The following NFKBIZ variants were observed in gnomAD, a reference collection of about 807,000 sequenced individuals.
NFKBIZ encodes NFKB inhibitor zeta, also known as NF-kappa-B inhibitor zeta.
NFKBIZ carries 19 observed loss-of-function variants against 76.8 expected under a neutral mutation model. The ratio of observed to expected loss-of-function variants is 0.25; its 90% CI spans 0.17 to 0.36. NFKBIZ has a LOEUF of 0.36. Ranked by LOEUF, NFKBIZ falls within the 10% of genes least tolerant of loss-of-function variation. The probability of loss-of-function intolerance (pLI) is 1.00; values close to 1 mark genes in which losing one functional copy is unlikely to be tolerated. For synonymous variants in NFKBIZ, 368 were observed against 354.8 expected (o/e 1.04, Z -0.42); for missense variants, 829 against 910.9 (o/e 0.91, Z 1.16).
Position 101,853,346 on chromosome 3 carries a change from G to T in NFKBIZ, c.820G>T (p.Val274Phe). 1 of 1,614,120 alleles carries T rather than the reference G, an allele frequency of 6.2e-7. No homozygotes were observed. The highest frequency in any genetic ancestry group is 8.5e-7 in the Non-Finnish European group (1 of 1,180,020). The change falls in exon 5 of 12, where the codon GTC (valine) becomes TTC (phenylalanine). Residue 274 changes from valine (V) to phenylalanine (F), a missense_variant. Physicochemically the swap from Val to Phe is conservative, Grantham distance 50. Coordinates refer to ENST00000326172, the MANE Select transcript of NFKBIZ (RefSeq NM_031419.4). Reference protein sequence around the residue: ...SPPQKCQPFQVRGSQQMIDQA... With the variant: ...SPPQKCQPFQFRGSQQMIDQA... ...ACCTCAGAAATGCCAACCATTCCAA[G>T]TCAGGGGCTCCCAACAAATGATAGA...
At chr3:101,852,008 C>T (rs1332906446) in intron 1 of NFKBIZ, 77 bp from the exon 2 acceptor site, 4 of 1,540,210 alleles carry the variant, frequency 2.6e-6, no homozygotes, top group South Asian at 1.2e-5. Flanking sequence ...TAGGCAACAG[C>T]TATACTTTTG....
Position 101,859,544 on chromosome 3 carries a change from T to C in NFKBIZ, c.*173T>C, listed in dbSNP as rs185900926. 7.5e-5 allele frequency: 32 copies of C among 428,710 alleles called. No individual in the cohort carries two copies. Among genetic ancestry groups the C allele is most frequent in the African/African-American group, 5.3e-4 (27 of 50,696 alleles). 26.6% of individuals were successfully genotyped at this position (428,710 alleles called of 1,614,324 possible). ...ATATTAAAAGAAAAGAAGAAAAATA[T>C]CTAATTTCTCTTGGCAGATTTGCAT... On this transcript the variant is annotated 3_prime_UTR_variant, in exon 12 of 12. Transcript: ENST00000326172.
chr3:101,846,636 A>G (rs752152030), upstream of NFKBIZ, among the ~76,000 whole-genome samples: 1 of 152,228 alleles, frequency 6.6e-6, no homozygotes, highest in Non-Finnish European at 1.5e-5. Flanking sequence ...TTAATTTTGT[A>G]AAAAATTACT....
chr3:101,859,184 G>A (rs1175837760), intron 11 of NFKBIZ, 134 bp from the exon 12 acceptor site: 4 of 584,938 alleles, frequency 6.8e-6, no homozygotes, highest in Non-Finnish European at 1.3e-5. Context: ...GAAATATTGT[G>A]TGTATTTCTT....
intron 1 of NFKBIZ, 90 bp downstream of exon 1, chr3:101,850,007 C>A (rs898439217): frequency 3.3e-6 from 4 of 1,212,172 alleles, no homozygotes; most frequent in Admixed American, 4.2e-5. Flanking sequence ...GTGGCCCCTG[C>A]GCCCTCCTTA....
intron 2 of NFKBIZ, among the ~76,000 whole-genome samples, chr3:101,837,191 C>T (rs571076193): frequency 2.0e-5 from 3 of 152,278 alleles, no homozygotes; most frequent in South Asian, 4.1e-4. Context: ...CACTCTCTTT[C>T]CTTTTTCTAA....
intron 1 of NFKBIZ, among the ~76,000 whole-genome samples, chr3:101,851,349 C>CT (rs1236418613): frequency 6.6e-6 from 1 of 152,192 alleles, no homozygotes; most frequent in Non-Finnish European, 1.5e-5. Context: ...AGCATATTTC[C>CT]TTTTTACTTA....
In NFKBIZ at chr3:101,853,600, G is replaced by C. The variant is rs1244646629; in HGVS notation, c.1074G>C (p.Gln358His). The C allele has an allele frequency of 6.2e-7, 1 of 1,614,228 alleles. No individual in the cohort carries two copies. Among genetic ancestry groups the C allele is most frequent in the East Asian group, 2.2e-5 (1 of 44,888 alleles). Residue 358 changes from glutamine (Q) to histidine (H), a missense_variant, in exon 5 of 12, where the codon CAG becomes CAC. By Grantham distance (24) the Gln-to-His change is conservative (BLOSUM62 0). Around this residue, in one of 4 missense-constraint regions of NFKBIZ, gnomAD observed 371 missense variants for 332.3 expected, o/e 1.12. Transcript: ENST00000326172. ...CTGAGAATATTGCTAATCCCATGCA[G>C]ACTTCCTCCAGTGTTCAGCAGCAAA... ...RESENIANPM[Q>H]TSSSVQQQND... is the part of the protein sequence containing the mutation.
intron 11 of NFKBIZ, among the ~76,000 whole-genome samples, chr3:101,859,039 G>A (rs747877381): frequency 1.3e-5 from 2 of 152,192 alleles, no homozygotes; most frequent in African/African-American, 2.4e-5. Context: ...TAGGTGTTAA[G>A]TTTATGGAGA....
rs1190963550 is a variant in NFKBIZ, at chr3:101,860,309, A to G, written c.*938A>G. ...TCCTCCTACCTGAGCCTTCTGAGTA[A>G]CTGGAACTACAGGTGTGCACTCCTC... On this transcript the variant is annotated 3_prime_UTR_variant, in exon 12 of 12. Transcript: ENST00000326172. The G allele has an allele frequency of 1.3e-5, 2 of 151,798 alleles. No individual in the cohort carries two copies. Among genetic ancestry groups the G allele is most frequent in the African/African-American group, 4.8e-5 (2 of 41,260 alleles). 9.4% of individuals were successfully genotyped at this position (151,798 alleles called of 1,614,324 possible).
At position 101,859,756 on chromosome 3, in the gene NFKBIZ, AAG is replaced by A. The variant is rs1434785059; in HGVS notation, c.*386_*387del. The A allele has an allele frequency of 5.8e-6, 1 of 172,476 alleles. No individual in the cohort carries two copies. Among genetic ancestry groups the A allele is most frequent in the Non-Finnish European group, 1.3e-5 (1 of 78,702 alleles). The allele number at this position is 172,476 out of a possible 1,614,324, so 10.7% of individuals were successfully genotyped here. A position where few individuals can be genotyped will look rare whatever the true frequency, so the allele number is the denominator to read the frequency against. On this transcript the variant is annotated 3_prime_UTR_variant, in exon 12 of 12. Coordinates refer to ENST00000326172, the MANE Select transcript of NFKBIZ (RefSeq NM_031419.4). Reference sequence around the variant, plus strand: ...TGTTTCTTTAAGAAAAAGCATGTGAAAGGAAAAAGGTAAATACAGCATTGAGG... The same window carrying A: ...TGTTTCTTTAAGAAAAAGCATGTGAAGAAAAAGGTAAATACAGCATTGAGG...
chr3:101,830,086 A>C (rs374654887), intron 2 of NFKBIZ, among the ~76,000 whole-genome samples: 10 of 152,138 alleles, frequency 6.6e-5, no homozygotes, highest in East Asian at 3.8e-4. Flanking sequence ...AGGCTCCTTA[A>C]AACTAGCATA....
Position 101,853,117 on chromosome 3 carries a change from G to C in NFKBIZ, c.591G>C (p.Gly197=). 1 of 1,613,966 alleles carries C rather than the reference G, an allele frequency of 6.2e-7. No homozygotes were observed. Among genetic ancestry groups the C allele is most frequent in the South Asian group, 1.1e-5 (1 of 91,084 alleles). Residue 197 remains glycine, a synonymous_variant, in exon 5 of 12, where the codon GGG becomes GGC. Transcript: ENST00000326172. ...CACCACCTCAAACACCAACGCCCGG[G>C]GAGAGCATGGAAGATGTTCATCTCA... ...FLTPPQTPTP[G]ESMEDVHLNE...
At chr3:101,845,952 CAGTT>C (rs1222104506), upstream of NFKBIZ, among the ~76,000 whole-genome samples, 1 of 152,146 alleles carries the variant, frequency 6.6e-6, no homozygotes, top group Admixed American at 6.5e-5. Context: ...GCTTCAGAGT[CAGTT>C]AGATGAAGAT....
At chr3:101,838,146 A>C (rs1942746273) in intron 2 of NFKBIZ, among the ~76,000 whole-genome samples, 1 of 152,184 alleles carries the variant, frequency 6.6e-6, no homozygotes, top group African/African-American at 2.4e-5. Context: ...AGCCATATGC[A>C]CACAAATAAG....
intron 11 of NFKBIZ, chr3:101,857,888 C>G (rs1943073703): frequency 1.2e-6 from 1 of 861,348 alleles, no homozygotes; most frequent in Non-Finnish European, 1.4e-6. Flanking sequence ...AGTAAGAGAT[C>G]AGTGAACATC....
At position 101,853,632 on chromosome 3, in the gene NFKBIZ, C is replaced by T. The variant is rs1193742681; in HGVS notation, c.1106C>T (p.Ala369Val). ...TCCAGTGTTCAGCAGCAAAATGATG[C>T]TCACTTGCACAGCTTCAGCATGATG... ...TSSSVQQQND[A>V]HLHSFSMMPS... The change falls in exon 5 of 12, where the codon GCT becomes GTT. Residue 369 changes from alanine (A) to valine (V), a missense_variant. Ala to Val is a moderately conservative substitution (Grantham distance 64). Coordinates refer to ENST00000326172, the MANE Select transcript of NFKBIZ (RefSeq NM_031419.4). 4.3e-6 allele frequency: 7 copies of T among 1,614,134 alleles called. No individual in the cohort carries two copies. The highest frequency in any genetic ancestry group is 1.3e-5 in the African/African-American group (1 of 74,936).
intron 6 of NFKBIZ, 61 bp downstream of exon 6, chr3:101,854,744 C>T: frequency 8.7e-7 from 1 of 1,151,032 alleles, no homozygotes; most frequent in Non-Finnish European, 1.3e-6. Flanking sequence ...TGAATGATGA[C>T]CAGCCTTATG....
At chr3:101,854,912 T>G in intron 6 of NFKBIZ, 150 bp from the exon 7 acceptor site, 1 of 917,622 alleles carries the variant, frequency 1.1e-6, no homozygotes, top group South Asian at 1.9e-5. Context: ...AGGCTTACTT[T>G]AGTTTCCTTG....
Sources: allele counts gnomAD v4.1 joint callset (sites outside exome capture counted in the v4.1 genomes callset), GRCh38; gene constraint gnomAD v4.1.1; regional missense constraint gnomAD v4.1.1; transcripts MANE v1.5; gene names NCBI Gene and HGNC (gene_info 2026-07-23, HGNC 2026-07-21).